Variants in RBM6 observed in about 807,000 individuals in gnomAD.
The protein encoded by RBM6 is RNA-binding protein 6.
A neutral mutation model predicts 140.4 loss-of-function variants in RBM6; 23 were observed. That is an observed-to-expected ratio of 0.16 (90% confidence interval 0.12 to 0.23). The LOEUF is 0.23. Ranked by LOEUF, RBM6 falls within the 10% of genes least tolerant of loss-of-function variation. The probability of loss-of-function intolerance (pLI) is 1.00; values close to 1 mark genes in which losing one functional copy is unlikely to be tolerated. For missense variants in RBM6, 1,139 were observed against 1,386.7 expected (o/e 0.82, Z 2.84); for synonymous variants, 439 against 475.6 (o/e 0.92, Z 1.00).
chr3:50,043,252 G>A (rs561012879), intron 6 of RBM6, among the ~76,000 whole-genome samples: 1 of 152,204 alleles, frequency 6.6e-6, no homozygotes, highest in East Asian at 1.9e-4. Context: ...GGGAGGCCGA[G>A]GCAGGCGATC....
At chr3:49,973,584 CTTTTTTT>C (rs1226088993) in intron 4 of RBM6, among the ~76,000 whole-genome samples, 8 of 131,328 alleles carry the variant, frequency 6.1e-5, no homozygotes, top group South Asian at 2.5e-4. Context: ...TTCTGCTTTT[CTTTTTTT>C]TTTTTTTTTT....
intron 6 of RBM6, among the ~76,000 whole-genome samples, chr3:50,027,141 G>A (rs1182561122): frequency 6.6e-6 from 1 of 152,074 alleles, no homozygotes; most frequent in East Asian, 1.9e-4. Flanking sequence ...TTGCAGTGGT[G>A]TGCATGGTTA....
rs557517166 is a variant in RBM6, at chr3:50,031,443, G to A, written c.1558-16802G>A. Among the ~76,000 whole-genome samples, 380 of 152,270 alleles carry A rather than the reference G, an allele frequency of 2.5e-3. 1 individual carries two copies. The highest frequency in any genetic ancestry group is 0.01 in the Middle Eastern group (3 of 294). On this transcript the variant is annotated intron_variant, in intron 6 of 20. Transcript: ENST00000266022. ...TCATGTCCTTTGTAGGGACATGGAT[G>A]AAGCTGTAAACCATCATTCTGAGCA...
chr3:50,017,531 C>T (rs1362086065), intron 6 of RBM6, among the ~76,000 whole-genome samples: 1 of 147,500 alleles, frequency 6.8e-6, no homozygotes, highest in Admixed American at 6.9e-5. Flanking sequence ...GCACTCCAGC[C>T]TGGGCGACAG....
chr3:50,033,302 GAAAA>G (rs927422031), intron 6 of RBM6, among the ~76,000 whole-genome samples: 1 of 151,300 alleles, frequency 6.6e-6, no homozygotes, highest in Non-Finnish European at 1.5e-5. Context: ...GTCTCGAAAA[GAAAA>G]AAAAGAAAAA....
intron 6 of RBM6, among the ~76,000 whole-genome samples, chr3:50,031,297 G>A (rs1407109483): frequency 6.6e-6 from 1 of 152,138 alleles, no homozygotes; most frequent in Non-Finnish European, 1.5e-5. Flanking sequence ...GTTTATTGCG[G>A]CACTATTCAC....
At chr3:50,062,819 C>T (rs978247162) in intron 15 of RBM6, among the ~76,000 whole-genome samples, 2 of 151,606 alleles carry the variant, frequency 1.3e-5, no homozygotes, top group African/African-American at 2.4e-5. Context: ...TAAAAATTCA[C>T]GGTATAACTG....
At chr3:50,010,035 C>T (rs1259822527) in intron 6 of RBM6, among the ~76,000 whole-genome samples, 2 of 151,946 alleles carry the variant, frequency 1.3e-5, no homozygotes, top group Non-Finnish European at 2.9e-5. Flanking sequence ...ATTACAGGCA[C>T]ACCACCACAC....
chr3:50,065,683 G>A, intron 16 of RBM6: 2 of 455,452 alleles, frequency 4.4e-6, no homozygotes, highest in South Asian at 3.1e-5. Flanking sequence ...AGTGATCATA[G>A]ACCAATGATT....
At chr3:49,961,599 G>T (rs995305682) in intron 1 of RBM6, among the ~76,000 whole-genome samples, 22 of 151,762 alleles carry the variant, frequency 1.4e-4, no homozygotes, top group African/African-American at 5.1e-4. Flanking sequence ...AGGAGTTCGA[G>T]ACCAGCCTGG....
chr3:49,984,585 GACATCACATC>G lies in RBM6; in HGVS notation c.1483+9214_1483+9223del, dbSNP rs1223070354. 2.4e-3 allele frequency among the ~76,000 whole-genome samples: 319 copies of G among 134,784 alleles called. 1 individual carries two copies. Among genetic ancestry groups the G allele is most frequent in the Non-Finnish European group, 2.8e-3 (175 of 62,872 alleles). 88.4% of individuals were successfully genotyped at this position (134,784 alleles called of 152,430 possible). A position where few individuals can be genotyped will look rare whatever the true frequency, so the allele number is the denominator to read the frequency against. ...GACAGAGTGAGACCCTGTCTAACGT[GACATCACATC>G]ACATCACATCACATCACATCGCATC... On this transcript the variant is annotated intron_variant, in intron 5 of 20. Coordinates refer to ENST00000266022, the MANE Select transcript of RBM6 (RefSeq NM_005777.3).
At position 50,068,745 on chromosome 3, in the gene RBM6, T is replaced by G. The variant is rs1284869785; in HGVS notation, c.2999T>G (p.Leu1000Arg). The change falls in exon 18 of 21, where the codon CTG (leucine) becomes CGG (arginine). Residue 1000 changes from leucine (L) to arginine (R), a missense_variant. Transcript: ENST00000266022. The stretch of plus-strand genomic sequence containing the variant: ...CAGTCTGAGCAGGAGCTAGCCTATC[T>G]GGAAAGGAGAGAACGAGAGGTAAAC... ...IKQSEQELAY[L>R]ERREREGKFK... The G allele has an allele frequency of 1.2e-6, 2 of 1,614,150 alleles. 1 individual carries two copies. Among genetic ancestry groups the G allele is most frequent in the South Asian group, 2.2e-5 (2 of 91,078 alleles).
intron 6 of RBM6, among the ~76,000 whole-genome samples, chr3:50,019,860 T>C (rs2108791596): frequency 6.6e-6 from 1 of 152,210 alleles, no homozygotes; most frequent in East Asian, 1.9e-4. Flanking sequence ...CTGCATCTAT[T>C]GGTATGTTCA....
chr3:50,057,775 ACAT>A lies in RBM6; in HGVS notation c.1743_1745del (p.Ser582del). 5 of 1,613,832 alleles carry A rather than the reference ACAT, an allele frequency of 3.1e-6. No individual in the cohort carries two copies. The highest frequency in any genetic ancestry group is 4.2e-6 in the Non-Finnish European group (5 of 1,179,948). On this transcript the variant is annotated inframe_deletion, in exon 9 of 21. Coordinates refer to ENST00000266022, the MANE Select transcript of RBM6 (RefSeq NM_005777.3). The stretch of plus-strand genomic sequence containing the variant: ...AATAACCTACCCTCAGCCTCAGAAA[ACAT>A]CCATACCAGCACCATTGGAAAAACA...
intron 5 of RBM6, among the ~76,000 whole-genome samples, chr3:49,995,321 T>G (rs1488050595): frequency 6.6e-6 from 1 of 152,114 alleles, no homozygotes; most frequent in Non-Finnish European, 1.5e-5. Flanking sequence ...ATCCCAGCAC[T>G]GAGGCAGGCA....
chr3:50,007,645 G>A (rs555325954), intron 6 of RBM6, among the ~76,000 whole-genome samples: 47 of 151,754 alleles, frequency 3.1e-4, no homozygotes, highest in Admixed American at 5.3e-4. Flanking sequence ...CCATTCTCTC[G>A]CCTCAGCCTC....
intron 1 of RBM6, among the ~76,000 whole-genome samples, chr3:49,946,670 G>C (rs1314580443): frequency 2.0e-5 from 3 of 151,870 alleles, no homozygotes; most frequent in Non-Finnish European, 4.4e-5. Context: ...CGGGTAGCTG[G>C]GATTACAGGC....
At chr3:50,001,838 G>A (rs950984233) in intron 6 of RBM6, among the ~76,000 whole-genome samples, 3 of 152,208 alleles carry the variant, frequency 2.0e-5, no homozygotes, top group Non-Finnish European at 2.9e-5. Flanking sequence ...AATACTCAAT[G>A]TAATAGCTGA....
At chr3:49,984,601 ACATCACATCACATCGCATCGCATCG>A (rs2085461718) in intron 5 of RBM6, among the ~76,000 whole-genome samples, 1 of 91,636 alleles carries the variant, frequency 1.1e-5, no homozygotes, top group African/African-American at 5.8e-5. Context: ...ACATCACATC[ACATCACATCACATCGCATCGCATCG>A]CATCGCATCG....
Sources: allele counts gnomAD v4.1 joint callset (sites outside exome capture counted in the v4.1 genomes callset), GRCh38; gene constraint gnomAD v4.1.1; transcripts MANE v1.5; gene names NCBI Gene and HGNC (gene_info 2026-07-23, HGNC 2026-07-21).